Variants in UGT3A2 observed in about 807,000 individuals in gnomAD.
UGT3A2 encodes UDP-glycosyltransferase 3A2.
UGT3A2 carries 32 observed loss-of-function variants against 39.8 expected under a neutral mutation model. The ratio of observed to expected loss-of-function variants is 0.80; its 90% CI spans 0.61 to 1.08. The LOEUF (loss-of-function observed/expected upper bound fraction) is 1.08, where lower values mean the gene tolerates loss of function less well. Ranked by LOEUF, UGT3A2 falls within the 50% of genes least tolerant of loss-of-function variation. The probability of loss-of-function intolerance (pLI) is 0.00; values close to 1 mark genes in which losing one functional copy is unlikely to be tolerated. For missense variants in UGT3A2, 611 were observed against 637.1 expected, an observed-to-expected ratio of 0.96 and a Z score of 0.44; for synonymous variants, 241 against 230.7, an observed-to-expected ratio of 1.04 and a Z score of -0.40.
chr5:36,035,781 G>A lies in UGT3A2; in HGVS notation c.1489C>T (p.Leu497=). The change falls in exon 7 of 7, where the codon CTG becomes TTG. Residue 497 remains leucine (L), a synonymous_variant. Transcript: ENST00000282507. ...DVFVFLLGLT[L]GTLWLCGKLL... ...TTCCCACAAAGCCATAGAGTCCCCA[G>A]AGTGAGCCCCAGCAGAAACACAAAA... 6.2e-7 allele frequency: 1 copy of A among 1,614,138 alleles called. No individual in the cohort carries two copies. Among genetic ancestry groups the A allele is most frequent in the Non-Finnish European group, 8.5e-7 (1 of 1,180,030 alleles).
At chr5:36,052,775 A>G (rs1742388879) in intron 2 of UGT3A2, among the ~76,000 whole-genome samples, 1 of 152,186 alleles carries the variant, frequency 6.6e-6, no homozygotes, top group Non-Finnish European at 1.5e-5. Flanking sequence ...TATGAGTCAT[A>G]AACCTCTCAT....
At chr5:36,039,384 A>G in intron 5 of UGT3A2, 93 bp downstream of exon 5, 1 of 1,246,502 alleles carries the variant, frequency 8.0e-7, no homozygotes, top group East Asian at 2.3e-5. Context: ...ACCATTCACC[A>G]GTGGGTACAA....
At chr5:36,051,736 GTCCATCCATCCA>G (rs71863019) in intron 3 of UGT3A2, 122 bp downstream of exon 3, 28 of 290,050 alleles carry the variant, frequency 9.7e-5, no homozygotes, top group Admixed American at 8.8e-4. Flanking sequence ...CCATCCATCC[GTCCATCCATCCA>G]TCCATCCATC....
chr5:36,063,439 C>T (rs931187723), intron 2 of UGT3A2, among the ~76,000 whole-genome samples: 13 of 152,140 alleles, frequency 8.5e-5, no homozygotes, highest in Admixed American at 5.9e-4. Flanking sequence ...TGCACAAACT[C>T]GTGGGCAGCC....
At chr5:36,037,732 C>T (rs979250703) in intron 6 of UGT3A2, 65 bp downstream of exon 6, 7 of 1,558,992 alleles carry the variant, frequency 4.5e-6, no homozygotes, top group East Asian at 2.2e-5. Context: ...AACAGACTCC[C>T]ATAGTGCCCT....
In UGT3A2 at chr5:36,035,513, G is replaced by A. The variant is rs1269105566; in HGVS notation, c.*185C>T. ...GAATTCTGCTAGCAGGCAGGAGCTA[G>A]TAAGGATGAATTTGTAGCAAAATTA... On this transcript the variant is annotated 3_prime_UTR_variant, in exon 7 of 7. Coordinates refer to ENST00000282507, the MANE Select transcript of UGT3A2 (RefSeq NM_174914.4). 1.3e-5 allele frequency: 11 copies of A among 848,510 alleles called. No homozygotes were observed. Among genetic ancestry groups the A allele is most frequent in the Non-Finnish European group, 2.0e-5 (11 of 557,952 alleles). 52.6% of individuals were successfully genotyped at this position (848,510 alleles called of 1,614,324 possible). A position where few individuals can be genotyped will look rare whatever the true frequency, so the allele number is the denominator to read the frequency against.
Position 36,060,456 on chromosome 5 carries a change from G to C in UGT3A2, c.196+3793C>G, listed in dbSNP as rs971247339. 3.9e-5 allele frequency among the ~76,000 whole-genome samples: 6 copies of C among 152,050 alleles called. No individual in the cohort carries two copies. In the East Asian group the frequency reaches 1.2e-3, roughly 29 times the overall value. ...TTTCTTACGATTAGGCAAATCTGAA[G>C]CCTGTTAGTAATAATATGAACCTGT... On this transcript the variant is annotated intron_variant, in intron 2 of 6. Transcript: ENST00000282507.
rs770447742 is a variant in UGT3A2, at chr5:36,066,770, A to C, written c.20T>G (p.Leu7Arg). The change falls in exon 1 of 7, where the codon CTT becomes CGT. Residue 7 changes from leucine (L) to arginine (R), a missense_variant. By Grantham distance (102) the Leu-to-Arg change is moderately radical (BLOSUM62 -2). Coordinates refer to ENST00000282507, the MANE Select transcript of UGT3A2 (RefSeq NM_174914.4). MAGQRV[L>R]LLVGFLLPGV... ...AGGGAGAAGGAAGCCCACTAGAAGAAGCACTCGCTGCCCAGCCATGCTCAC... is the reference window on the plus strand; with the variant it reads ...AGGGAGAAGGAAGCCCACTAGAAGACGCACTCGCTGCCCAGCCATGCTCAC... 1.5e-5 allele frequency: 24 copies of C among 1,614,096 alleles called. No individual in the cohort carries two copies. The highest frequency in any genetic ancestry group is 2.2e-5 in the East Asian group (1 of 44,882).
intron 2 of UGT3A2, among the ~76,000 whole-genome samples, chr5:36,062,727 A>T (rs550519607): frequency 5.9e-5 from 9 of 152,192 alleles, no homozygotes; most frequent in African/African-American, 2.2e-4. Flanking sequence ...GCAAAATTTA[A>T]ATGAGAAAAT....
chr5:36,045,966 A>G (rs563219309), intron 4 of UGT3A2, among the ~76,000 whole-genome samples: 3 of 152,344 alleles, frequency 2.0e-5, no homozygotes, highest in African/African-American at 7.2e-5. Flanking sequence ...AAAATAAAAG[A>G]TCTGAATGGA....
At chr5:36,043,372 C>CAG (rs1742071553) in intron 4 of UGT3A2, among the ~76,000 whole-genome samples, 1 of 151,782 alleles carries the variant, frequency 6.6e-6, no homozygotes, top group Non-Finnish European at 1.5e-5. Flanking sequence ...CTATGAAATA[C>CAG]AGTGAAAACG....
At chr5:36,040,944 T>C (rs1006084451) in intron 4 of UGT3A2, among the ~76,000 whole-genome samples, 3 of 152,140 alleles carry the variant, frequency 2.0e-5, no homozygotes, top group Admixed American at 6.5e-5. Context: ...TCTTGCAATG[T>C]GGGTACTAGT....
intron 6 of UGT3A2, among the ~76,000 whole-genome samples, chr5:36,036,334 T>C (rs922000057): frequency 3.9e-5 from 6 of 152,178 alleles, no homozygotes; most frequent in African/African-American, 9.7e-5. Flanking sequence ...CTGGGGAATG[T>C]TAGGCACAGG....
At chr5:36,050,884 G>A (rs1742322676) in intron 3 of UGT3A2, among the ~76,000 whole-genome samples, 1 of 149,574 alleles carries the variant, frequency 6.7e-6, no homozygotes. Context: ...AGCCAGTAAT[G>A]TAGTAAGAAT....
chr5:36,049,427 GA>G lies in UGT3A2; in HGVS notation c.312-8del, dbSNP rs764679469. ...TAAGTTTTCAAATTTTCCTCTGTAA[GA>G]AAAAAATGATAATAAATATTCATGG... On this transcript the variant is annotated splice_region_variant and splice_polypyrimidine_tract_variant and intron_variant, in intron 3 of 6. Transcript: ENST00000282507. The G allele has an allele frequency of 3.3e-6, 5 of 1,525,510 alleles. No individual in the cohort carries two copies. Among genetic ancestry groups the G allele is most frequent in the East Asian group, 4.5e-5 (2 of 44,098 alleles). The allele number at this position is 1,525,510 out of a possible 1,614,324, so 94.5% of individuals were successfully genotyped here.
intron 3 of UGT3A2, among the ~76,000 whole-genome samples, chr5:36,049,897 G>A (rs1287272): frequency 0.47 from 71,474 of 151,922 alleles, 17,139 homozygotes; most frequent in Non-Finnish European, 0.5. Flanking sequence ...TGCACATAGT[G>A]AGGCAATGAG....
intron 3 of UGT3A2, among the ~76,000 whole-genome samples, chr5:36,050,193 C>T (rs1742299450): frequency 6.6e-6 from 1 of 150,680 alleles, no homozygotes; most frequent in South Asian, 2.1e-4. Context: ...TTCTTTCCAC[C>T]TCAATGCAGG....
chr5:36,056,026 C>A (rs1224296628), intron 2 of UGT3A2, among the ~76,000 whole-genome samples: 1 of 152,102 alleles, frequency 6.6e-6, no homozygotes, highest in Admixed American at 6.5e-5. Context: ...CATGAGCCAC[C>A]GCGCCCAGCC....
intron 6 of UGT3A2, 44 bp downstream of exon 6, chr5:36,037,730 CCCATAGTGCCCTTAGTGTTTTTG>C: frequency 6.4e-7 from 1 of 1,552,280 alleles, no homozygotes; most frequent in Non-Finnish European, 8.8e-7. Context: ...AAAACAGACT[CCCATAGTGCCCTTAGTGTTTTTG>C]CCTTCATTCG....
Sources: allele counts gnomAD v4.1 joint callset (sites outside exome capture counted in the v4.1 genomes callset), GRCh38; gene constraint gnomAD v4.1.1; transcripts MANE v1.5; gene names NCBI Gene and HGNC (gene_info 2026-07-23, HGNC 2026-07-21).